The following HIBCH variants were observed in gnomAD, a reference collection of about 807,000 sequenced individuals.
HIBCH encodes 3-hydroxyisobutyryl-CoA hydrolase, also known as 3-hydroxyisobutyryl-CoA hydrolase, mitochondrial.
Under a neutral mutation model 58.2 loss-of-function variants are expected in HIBCH, and 50 were observed. The ratio of observed to expected loss-of-function variants is 0.86; its 90% CI spans 0.68 to 1.09. The LOEUF is 1.09. HIBCH is among the 50% of genes least tolerant of loss of function. The pLI is 0.00. For synonymous variants in HIBCH, 151 were observed against 146.9 expected (o/e 1.03, Z -0.20); for missense variants, 450 against 449.7 (o/e 1.00, Z -0.01).
intron 10 of HIBCH, 128 bp downstream of exon 10, chr2:190,246,026 C>A: frequency 3.7e-6 from 2 of 547,306 alleles, no homozygotes; most frequent in South Asian, 2.0e-5. Context: ...AAGCTCTATA[C>A]TTTCTGATCT....
At chr2:190,293,959 C>G (rs994460233) in intron 4 of HIBCH, among the ~76,000 whole-genome samples, 1 of 148,678 alleles carries the variant, frequency 6.7e-6, no homozygotes, top group African/African-American at 2.5e-5. Flanking sequence ...CTCTTTTTAT[C>G]TCAGCATGTT....
intron 5 of HIBCH, among the ~76,000 whole-genome samples, chr2:190,289,634 T>C (rs1687915020): frequency 6.6e-6 from 1 of 152,066 alleles, no homozygotes; most frequent in Admixed American, 6.6e-5. Flanking sequence ...AAAAACAAAA[T>C]ATTGACGTCT....
chr2:190,199,589 AGATTTCTTC>A, downstream of HIBCH: 1 of 502,012 alleles, frequency 2.0e-6, no homozygotes, highest in Non-Finnish European at 3.0e-6. Flanking sequence ...TTTTTACCTC[AGATTTCTTC>A]CATGTGACCA....
At chr2:190,312,676 A>G (rs1688591332) in intron 1 of HIBCH, among the ~76,000 whole-genome samples, 1 of 152,262 alleles carries the variant, frequency 6.6e-6, no homozygotes, top group Admixed American at 6.5e-5. Context: ...ATAATACTAT[A>G]CAAAAGAGAG....
chr2:190,262,678 T>C lies in HIBCH; in HGVS notation c.439-1444A>G, dbSNP rs533863702. Among the ~76,000 whole-genome samples, 7 of 152,270 alleles carry C rather than the reference T, an allele frequency of 4.6e-5. No individual in the cohort carries two copies. The South Asian group carries it at 1.0e-3, about 23-fold the overall frequency. On this transcript the variant is annotated intron_variant, in intron 6 of 13. Coordinates refer to ENST00000359678, the MANE Select transcript of HIBCH (RefSeq NM_014362.4). ...AGGGCCCTCTCCACCTCCTGAACTC[T>C]ATGGAAAAAGAAACTTAAAAACCCC...
At chr2:190,223,983 G>A (rs1685810056) in intron 11 of HIBCH, among the ~76,000 whole-genome samples, 3 of 152,232 alleles carry the variant, frequency 2.0e-5, no homozygotes, top group African/African-American at 2.4e-5. Flanking sequence ...AGCAAAAGGG[G>A]TCGGGGAATT....
intron 8 of HIBCH, chr2:190,250,468 C>A: frequency 2.3e-6 from 1 of 428,778 alleles, no homozygotes; most frequent in Non-Finnish European, 4.8e-6. Context: ...TTTTTCATAT[C>A]CTCTACAGCC....
intron 6 of HIBCH, among the ~76,000 whole-genome samples, chr2:190,261,541 T>C (rs1575732702): frequency 6.6e-6 from 1 of 152,070 alleles, no homozygotes; most frequent in African/African-American, 2.4e-5. Context: ...TAACCTACGA[T>C]TTTTTTCCCT....
chr2:190,228,557 AAGAG>A (rs1553497264), intron 11 of HIBCH, among the ~76,000 whole-genome samples: 13 of 151,720 alleles, frequency 8.6e-5, no homozygotes, highest in East Asian at 1.9e-4. Flanking sequence ...ATTAAAAAAA[AAGAG>A]AGAGAGAGAA....
chr2:190,228,244 C>G (rs1467296807), intron 11 of HIBCH, among the ~76,000 whole-genome samples: 1 of 152,044 alleles, frequency 6.6e-6, no homozygotes, highest in Non-Finnish European at 1.5e-5. Context: ...AGTTCATGTC[C>G]TTTGTAGGGA....
At chr2:190,311,333 T>C (rs1236485416) in intron 1 of HIBCH, among the ~76,000 whole-genome samples, 1 of 152,214 alleles carries the variant, frequency 6.6e-6, no homozygotes, top group Non-Finnish European at 1.5e-5. Context: ...GCAGTGAAAC[T>C]AATCTGTATG....
chr2:190,287,676 T>C, intron 5 of HIBCH, 38 bp from the exon 6 acceptor site: 1 of 1,438,250 alleles, frequency 7.0e-7, no homozygotes, highest in Non-Finnish European at 9.8e-7. Flanking sequence ...TTACAGTGTT[T>C]AAAATACATT....
intron 8 of HIBCH, among the ~76,000 whole-genome samples, 177 bp downstream of exon 8, chr2:190,251,985 A>T (rs1305266659): frequency 6.6e-6 from 1 of 152,172 alleles, no homozygotes; most frequent in Non-Finnish European, 1.5e-5. Context: ...ATGAGGAAAC[A>T]GAATTAGAGA....
intron 1 of HIBCH, among the ~76,000 whole-genome samples, chr2:190,314,329 G>GTGTA (rs1688645255): frequency 1.2e-3 from 4 of 3,444 alleles, no homozygotes; most frequent in Non-Finnish European, 5.9e-3. Context: ...ATGTATATAT[G>GTGTA]TATATATACA....
chr2:190,250,117 A>G (rs1304560373), intron 8 of HIBCH: 1 of 250,222 alleles, frequency 4.0e-6, no homozygotes, highest in East Asian at 1.0e-4. Context: ...TTATTTATCC[A>G]TCTAATCCCT....
At chr2:190,259,365 G>GTGTGTGTC (rs1305957511) in intron 7 of HIBCH, among the ~76,000 whole-genome samples, 30 of 141,242 alleles carry the variant, frequency 2.1e-4, no homozygotes, top group African/African-American at 5.0e-4. Flanking sequence ...GTGTGTGTGT[G>GTGTGTGTC]TGTCTGTCTG....
chr2:190,237,521 A>G (rs1294181653), intron 11 of HIBCH, among the ~76,000 whole-genome samples: 1 of 152,180 alleles, frequency 6.6e-6, no homozygotes, highest in Non-Finnish European at 1.5e-5. Context: ...ATGTAAATAT[A>G]AGCATTTGTG....
chr2:190,199,810 G>T (rs747517741), downstream of HIBCH: 2 of 1,587,518 alleles, frequency 1.3e-6, no homozygotes, highest in Non-Finnish European at 1.7e-6. Flanking sequence ...TCTAAAGATG[G>T]CCTGGAAGTA....
intron 6 of HIBCH, 141 bp from the exon 7 acceptor site, chr2:190,261,375 TC>T: frequency 1.5e-6 from 1 of 654,456 alleles, no homozygotes; most frequent in Non-Finnish European, 2.7e-6. Flanking sequence ...GAATAGGTTG[TC>T]CCCACCTCTT....
Sources: gnomAD v4.1 joint callset for allele counts (sites outside exome capture counted in the v4.1 genomes callset) on GRCh38, gnomAD v4.1.1 for gene constraint, MANE v1.5 for transcripts, NCBI Gene and HGNC (gene_info 2026-07-23, HGNC 2026-07-21) for gene names.